The following RYR2 variants were observed in gnomAD, a reference collection of about 807,000 sequenced individuals.
The protein encoded by RYR2 is cardiac muscle ryanodine receptor-calcium release channel.
A neutral mutation model predicts 601.1 loss-of-function variants in RYR2; 227 were observed. That is an observed-to-expected ratio of 0.38 (90% confidence interval 0.34 to 0.42). RYR2 has a LOEUF of 0.42. Among genes scored for constraint, RYR2 ranks in the 10% least tolerant of loss-of-function variants. The pLI is 1.00. For synonymous variants in RYR2, 2,223 were observed against 2,175.1 expected (o/e 1.02, Z -0.61); for missense variants, 4,646 against 6,156.5 (o/e 0.75, Z 8.21).
intron 47 of RYR2, among the ~76,000 whole-genome samples, chr1:237,641,467 G>GTCTTTCTTT (rs1490727758): frequency 8.5e-6 from 1 of 117,192 alleles, no homozygotes; most frequent in African/African-American, 3.6e-5. Flanking sequence ...ATTAGTGTCT[G>GTCTTTCTTT]TCTGTCTTTC....
chr1:237,594,460 G>A (rs1444393044), intron 33 of RYR2, among the ~76,000 whole-genome samples: 2 of 152,132 alleles, frequency 1.3e-5, no homozygotes, highest in African/African-American at 4.8e-5. Flanking sequence ...CTAATGAAGA[G>A]CTCTTTACAT....
At chr1:237,129,869 A>T (rs1671964778) in intron 1 of RYR2, among the ~76,000 whole-genome samples, 1 of 152,278 alleles carries the variant, frequency 6.6e-6, no homozygotes, top group East Asian at 1.9e-4. Context: ...TCTCACTTAT[A>T]TGTGGAATCT....
intron 70 of RYR2, among the ~76,000 whole-genome samples, chr1:237,709,827 C>T (rs746823317): frequency 5.9e-5 from 9 of 152,186 alleles, no homozygotes; most frequent in Non-Finnish European, 1.2e-4. Context: ...ACTATTTTTA[C>T]TATCTAGCTT....
At chr1:237,447,514 C>A (rs1056011275) in intron 14 of RYR2, among the ~76,000 whole-genome samples, 1 of 152,050 alleles carries the variant, frequency 6.6e-6, no homozygotes, top group Non-Finnish European at 1.5e-5. Flanking sequence ...GAGTGAAATT[C>A]ATTTGTTATA....
At chr1:237,659,306 C>T (rs1683548504) in intron 54 of RYR2, among the ~76,000 whole-genome samples, 1 of 152,076 alleles carries the variant, frequency 6.6e-6, no homozygotes, top group South Asian at 2.1e-4. Flanking sequence ...AAAAACTCTG[C>T]TAAATACTGA....
chr1:237,216,380 A>C (rs886883646), intron 1 of RYR2, among the ~76,000 whole-genome samples: 20 of 151,624 alleles, frequency 1.3e-4, no homozygotes, highest in African/African-American at 4.9e-4. Flanking sequence ...GAATTTTATT[A>C]AATCTTAGAA....
intron 1 of RYR2, among the ~76,000 whole-genome samples, chr1:237,217,899 T>C (rs1683369396): frequency 6.6e-6 from 1 of 152,208 alleles, no homozygotes; most frequent in African/African-American, 2.4e-5. Context: ...TGCTGTGGTA[T>C]TCAGAATGTG....
At chr1:237,241,069 G>A (rs553310073) in intron 1 of RYR2, among the ~76,000 whole-genome samples, 2 of 152,190 alleles carry the variant, frequency 1.3e-5, no homozygotes, top group Non-Finnish European at 2.9e-5. Flanking sequence ...TTAGGCAGAA[G>A]ACAAATCTCT....
chr1:237,470,466 T>C (rs1410119959), intron 17 of RYR2, among the ~76,000 whole-genome samples: 3 of 152,078 alleles, frequency 2.0e-5, no homozygotes, highest in Non-Finnish European at 4.4e-5. Flanking sequence ...GTTTAGATAG[T>C]GGAGGACAAA....
intron 29 of RYR2, among the ~76,000 whole-genome samples, chr1:237,586,075 C>T (rs1472963967): frequency 6.6e-6 from 1 of 152,032 alleles, no homozygotes; most frequent in Non-Finnish European, 1.5e-5. Context: ...CATATTTGTC[C>T]AAAGGCTTAG....
chr1:237,518,540 G>C (rs929050857), intron 24 of RYR2, among the ~76,000 whole-genome samples: 6 of 152,048 alleles, frequency 3.9e-5, no homozygotes, highest in African/African-American at 1.2e-4. Context: ...GCTTATTTCA[G>C]TTAAAATAAT....
At position 237,833,368 on chromosome 1, in the gene RYR2, C is replaced by G. The variant is rs567600814; in HGVS notation, c.*721C>G. The stretch of plus-strand genomic sequence containing the variant: ...TCACATTTGCCCCCCCCCCCCGCCC[C>G]CGCCCCCATATGCTCCTGCTATTAT... On this transcript the variant is annotated 3_prime_UTR_variant, in exon 105 of 105. Transcript: ENST00000366574. 1.4e-5 allele frequency: 2 copies of G among 144,920 alleles called. No individual in the cohort carries two copies. Among genetic ancestry groups the G allele is most frequent in the South Asian group, 2.4e-4 (1 of 4,224 alleles). 9.0% of individuals were successfully genotyped at this position (144,920 alleles called of 1,614,324 possible).
intron 27 of RYR2, among the ~76,000 whole-genome samples, chr1:237,557,249 A>G (rs1203737740): frequency 1.3e-5 from 2 of 152,202 alleles, no homozygotes; most frequent in African/African-American, 4.8e-5. Context: ...GAGTGAGTAC[A>G]AGGATGCTGT....
At chr1:237,230,616 T>TAAAC (rs1558465060) in intron 1 of RYR2, among the ~76,000 whole-genome samples, 7 of 152,340 alleles carry the variant, frequency 4.6e-5, no homozygotes, top group Non-Finnish European at 1.0e-4. Context: ...GGAATGTTTT[T>TAAAC]ATTTTTAAAA....
intron 56 of RYR2, among the ~76,000 whole-genome samples, chr1:237,662,905 T>TTG (rs1373498677): frequency 2.0e-5 from 3 of 152,272 alleles, no homozygotes; most frequent in Admixed American, 6.5e-5. Context: ...AGATGTACCT[T>TTG]TGTGTACTTG....
At chr1:237,160,845 CTA>C (rs1675934275) in intron 1 of RYR2, among the ~76,000 whole-genome samples, 1 of 152,076 alleles carries the variant, frequency 6.6e-6, no homozygotes, top group Admixed American at 6.6e-5. Context: ...TAACTTCACT[CTA>C]AATCATTATA....
At chr1:237,714,990 TCAAAAAAAAAAAAAAAAAA>T (rs1229628116) in intron 71 of RYR2, among the ~76,000 whole-genome samples, 2 of 89,380 alleles carry the variant, frequency 2.2e-5, no homozygotes, top group African/African-American at 1.4e-4. Context: ...AGACTCCATC[TCAAAAAAAAAAAAAAAAAA>T]AAAAAAAAAA....
chr1:237,604,943 C>T, intron 35 of RYR2, among the ~76,000 whole-genome samples: 1 of 151,802 alleles, frequency 6.6e-6, no homozygotes, highest in Non-Finnish European at 1.5e-5. Flanking sequence ...GCCTACCAAC[C>T]AAAAAAAGTC....
In RYR2 at chr1:237,833,447, CAAAA is replaced by C. The variant is rs980490432; in HGVS notation, c.*802_*805del. 2 of 137,254 alleles carry C rather than the reference CAAAA, an allele frequency of 1.5e-5. No individual in the cohort carries two copies. Among genetic ancestry groups the C allele is most frequent in the Non-Finnish European group, 1.5e-5 (1 of 65,612 alleles). The allele number at this position is 137,254 out of a possible 1,614,324, so 8.5% of individuals were successfully genotyped here. ...ACTTTATGAAATCTTTGTATGAAAA[CAAAA>C]AGACTGCAAAAAATACACTTTCAAA... On this transcript the variant is annotated 3_prime_UTR_variant, in exon 105 of 105. Coordinates refer to ENST00000366574, the MANE Select transcript of RYR2 (RefSeq NM_001035.3).
Sources: gnomAD v4.1 joint callset for allele counts (sites outside exome capture counted in the v4.1 genomes callset) on GRCh38, gnomAD v4.1.1 for gene constraint, MANE v1.5 for transcripts, NCBI Gene and HGNC (gene_info 2026-07-23, HGNC 2026-07-21) for gene names.